The following NYAP2 variants were observed in gnomAD, a reference collection of about 807,000 sequenced individuals.
NYAP2 encodes the protein neuronal tyrosine-phosphorylated phosphoinositide-3-kinase adaptor 2.
NYAP2 carries 23 observed loss-of-function variants against 50.4 expected under a neutral mutation model. That is an observed-to-expected ratio of 0.46 (90% confidence interval 0.33 to 0.65). The LOEUF (loss-of-function observed/expected upper bound fraction) is 0.65. NYAP2 is among the 30% of genes least tolerant of loss of function. The pLI is 0.02. For missense variants in NYAP2, 885 were observed against 861.0 expected (o/e 1.03, Z -0.35); for synonymous variants, 394 against 365.2 (o/e 1.08, Z -0.90).
chr2:225,411,299 G>T (rs1269143535), intron 3 of NYAP2, among the ~76,000 whole-genome samples: 1 of 152,076 alleles, frequency 6.6e-6, no homozygotes, highest in Admixed American at 6.6e-5. Context: ...GTGGCCCTCA[G>T]GTTTGTTCTG....
chr2:225,423,299 T>C (rs1695242649), intron 3 of NYAP2, among the ~76,000 whole-genome samples: 2 of 152,250 alleles, frequency 1.3e-5, no homozygotes, highest in South Asian at 4.1e-4. Context: ...AGTCATTCTA[T>C]TTCAATGTGA....
At chr2:225,443,012 T>C (rs1371286983) in intron 3 of NYAP2, among the ~76,000 whole-genome samples, 5 of 152,106 alleles carry the variant, frequency 3.3e-5, no homozygotes, top group Non-Finnish European at 7.3e-5. Flanking sequence ...AACTGCCTTT[T>C]ATAAAGCCAT....
intron 3 of NYAP2, among the ~76,000 whole-genome samples, chr2:225,472,422 A>T (rs1430645623): frequency 6.6e-6 from 1 of 152,168 alleles, no homozygotes; most frequent in Non-Finnish European, 1.5e-5. Context: ...GAAGAATGTG[A>T]GTGTGTTTGG....
At chr2:225,577,913 C>T (rs1692196334) in intron 4 of NYAP2, among the ~76,000 whole-genome samples, 1 of 151,594 alleles carries the variant, frequency 6.6e-6, no homozygotes, top group African/African-American at 2.4e-5. Flanking sequence ...ATTCTCTAAA[C>T]ATCCTCACAC....
chr2:225,684,120 T>C, the NYAP2 span, among the ~76,000 whole-genome samples: 1 of 152,174 alleles, frequency 6.6e-6, no homozygotes, highest in Non-Finnish European at 1.5e-5. Flanking sequence ...GGAGATTTTA[T>C]TTAGATGGTC....
intron 4 of NYAP2, among the ~76,000 whole-genome samples, chr2:225,577,682 T>C (rs1692191478): frequency 6.6e-6 from 1 of 152,140 alleles, no homozygotes; most frequent in Admixed American, 6.6e-5. Flanking sequence ...AATTAGTTTA[T>C]TGGAAACAAA....
intron 5 of NYAP2, among the ~76,000 whole-genome samples, chr2:225,603,624 C>A (rs1433959914): frequency 6.6e-6 from 1 of 152,088 alleles, no homozygotes; most frequent in African/African-American, 2.4e-5. Context: ...TTTGCCTCCA[C>A]ATTGCTCCAT....
At chr2:225,593,632 T>C (rs1249059274) in intron 5 of NYAP2, among the ~76,000 whole-genome samples, 1 of 152,204 alleles carries the variant, frequency 6.6e-6, no homozygotes. Flanking sequence ...TCTATCTGAT[T>C]CTCTCTATTG....
At position 225,582,356 on chromosome 2, in the gene NYAP2, C is replaced by G; in HGVS notation, c.939C>G (p.Cys313Trp). The G allele has an allele frequency of 1.9e-6, 3 of 1,612,732 alleles. No homozygotes were observed. Among genetic ancestry groups the G allele is most frequent in the South Asian group, 1.1e-5 (1 of 91,044 alleles). ...ACTTCGCCAAGGCCTCAGTGCCATG[C>G]CCCCCCAAGGGGCTGCTTTGCGACA... Residue 313 changes from cysteine (C) to tryptophan (W), a missense_variant, in exon 5 of 7, where the codon TGC (cysteine) becomes TGG (tryptophan). Physicochemically the swap from Cys to Trp is radical, Grantham distance 215. Coordinates refer to ENST00000636099, the Ensembl canonical transcript of NYAP2. This position sits in a 1 kb window ranked among gnomAD's most constrained non-coding sequence, Gnocchi z 7.0.
At chr2:225,655,888 ACACACAC>A (rs1559242653), downstream of NYAP2, among the ~76,000 whole-genome samples, 31 of 74,166 alleles carry the variant, frequency 4.2e-4, no homozygotes, top group African/African-American at 2.1e-3. Context: ...CCTCCACTAC[ACACACAC>A]ACACACACAC....
At chr2:225,422,099 G>C (rs376146437) in intron 3 of NYAP2, among the ~76,000 whole-genome samples, 3 of 151,092 alleles carry the variant, frequency 2.0e-5, no homozygotes. Flanking sequence ...TGTTTGTTCT[G>C]TTCAGTTTGC....
intron 3 of NYAP2, among the ~76,000 whole-genome samples, chr2:225,428,920 G>A (rs2106132166): frequency 6.6e-6 from 1 of 152,288 alleles, no homozygotes; most frequent in African/African-American, 2.4e-5. Context: ...AATAACTGAT[G>A]ACATTGATTT....
the NYAP2 span, among the ~76,000 whole-genome samples, chr2:225,678,134 T>C: frequency 1.3e-5 from 2 of 152,130 alleles, no homozygotes; most frequent in South Asian, 2.1e-4. Flanking sequence ...TTCTTCCTGA[T>C]TGAATCTTTG....
chr2:225,465,588 C>T (rs944864607), intron 3 of NYAP2, among the ~76,000 whole-genome samples: 3 of 151,976 alleles, frequency 2.0e-5, no homozygotes, highest in South Asian at 2.1e-4. Flanking sequence ...TGGTGGCGGG[C>T]GCCTGTAATC....
chr2:225,431,518 G>A (rs556961445), intron 3 of NYAP2, among the ~76,000 whole-genome samples: 73 of 152,220 alleles, frequency 4.8e-4, no homozygotes, highest in African/African-American at 1.6e-3. Flanking sequence ...GAACTTCAAG[G>A]GAGTCTATTT....
At chr2:225,489,832 A>G (rs909710054) in intron 3 of NYAP2, among the ~76,000 whole-genome samples, 3 of 152,200 alleles carry the variant, frequency 2.0e-5, no homozygotes, top group African/African-American at 7.2e-5. Flanking sequence ...CTTGACCCAG[A>G]TCAAATAATA....
intron 4 of NYAP2, among the ~76,000 whole-genome samples, chr2:225,524,725 A>G (rs555462466): frequency 4.5e-4 from 68 of 152,316 alleles, no homozygotes; most frequent in African/African-American, 1.4e-3. Context: ...AGCAAACACA[A>G]CAAAAACAAA....
chr2:225,513,630 A>G, exon 4 of NYAP2: 1 of 1,532,942 alleles, frequency 6.5e-7, no homozygotes, highest in Non-Finnish European at 8.8e-7. Flanking sequence ...AGTCAGCAGC[A>G]CTGCAGCCAG....
rs115124873 is a variant in NYAP2 at position 225,639,243 on chromosome 2, A to G, written c.1828+12117A>G. ...AGTTAAATTGACAAGTTTAAAGAGA[A>G]CAGACTCTGGTATAATTTTTAAAAA... On this transcript the variant is annotated intron_variant, in intron 6 of 6. Coordinates refer to ENST00000636099, the Ensembl canonical transcript of NYAP2. Among the ~76,000 whole-genome samples, 783 of 152,304 alleles carry G rather than the reference A, an allele frequency of 5.1e-3. 3 individuals carry two copies. Among genetic ancestry groups the G allele is most frequent in the Non-Finnish European group, 7.1e-3 (485 of 68,020 alleles).
Sources: allele counts gnomAD v4.1 joint callset (sites outside exome capture counted in the v4.1 genomes callset), GRCh38; gene constraint gnomAD v4.1.1; non-coding constraint Gnocchi (gnomAD v3.1); transcripts MANE v1.5; gene names NCBI Gene and HGNC (gene_info 2026-07-23, HGNC 2026-07-21).